The following MFAP5 variants were observed in gnomAD, a reference collection of about 807,000 sequenced individuals.
MFAP5 encodes the protein microfibril associated protein 5, also known as microfibrillar-associated protein 5.
In MFAP5, 19 loss-of-function variants were observed where a neutral mutation model predicts 30.1. That is an observed-to-expected ratio of 0.63 (90% CI 0.44 to 0.93). MFAP5 has a LOEUF of 0.93. Among genes scored for constraint, MFAP5 ranks in the 40% least tolerant of loss-of-function variants. MFAP5 has a pLI of 0.00. For missense variants in MFAP5, 210 were observed against 221.3 expected (o/e 0.95, Z 0.32); for synonymous variants, 92 against 72.9 (o/e 1.26, Z -1.33).
At chr12:8,649,887 C>G (rs1279482220) in intron 8 of MFAP5, among the ~76,000 whole-genome samples, 1 of 152,184 alleles carries the variant, frequency 6.6e-6, no homozygotes, top group Non-Finnish European at 1.5e-5. Flanking sequence ...GTCACCCAAG[C>G]AGTGTACACC....
At chr12:8,649,349 A>G (rs1941767785) in intron 9 of MFAP5, 152 bp downstream of exon 9, 2 of 651,824 alleles carry the variant, frequency 3.1e-6, no homozygotes, top group African/African-American at 3.6e-5. Flanking sequence ...TAGATTGTTT[A>G]TTTGAGATAA....
At chr12:8,658,901 C>T (rs999639790) in intron 3 of MFAP5, among the ~76,000 whole-genome samples, 2 of 151,706 alleles carry the variant, frequency 1.3e-5, no homozygotes, top group African/African-American at 4.8e-5. Flanking sequence ...GCCATCATAG[C>T]TCCTTTGCAG....
chr12:8,658,053 A>G (rs1208510838), intron 3 of MFAP5, among the ~76,000 whole-genome samples: 1 of 152,180 alleles, frequency 6.6e-6, no homozygotes, highest in Admixed American at 6.5e-5. Flanking sequence ...TCCAGATAGA[A>G]ATTCATCAGG....
chr12:8,652,893 A>G (rs1941875561), intron 6 of MFAP5, among the ~76,000 whole-genome samples: 1 of 152,224 alleles, frequency 6.6e-6, no homozygotes, highest in Non-Finnish European at 1.5e-5. Flanking sequence ...CCACATCTAG[A>G]AAACTGGATG....
intron 6 of MFAP5, among the ~76,000 whole-genome samples, chr12:8,653,691 C>T (rs760442219): frequency 8.5e-5 from 13 of 152,140 alleles, no homozygotes; most frequent in Admixed American, 2.0e-4. Context: ...GCTTCTCTTG[C>T]TTATCCTGAT....
At chr12:8,660,186 T>G (rs1357981780) in intron 3 of MFAP5, among the ~76,000 whole-genome samples, 4 of 150,498 alleles carry the variant, frequency 2.7e-5, no homozygotes. Flanking sequence ...ACTTCTTTTT[T>G]TCTAATTTTT....
In MFAP5 at chr12:8,649,459, C is replaced by T. The variant is rs945068341; in HGVS notation, c.409+42G>A. The T allele has an allele frequency of 3.8e-6, 6 of 1,574,590 alleles. No homozygotes were observed. The East Asian group carries it at 6.7e-5, about 18-fold the overall frequency. ...ATATCATGTCCCTATCTACCCTTCTCATAACTGCTTCTCTCCATTAAACAT... is the reference window on the plus strand; with the variant it reads ...ATATCATGTCCCTATCTACCCTTCTTATAACTGCTTCTCTCCATTAAACAT... On this transcript the variant is annotated intron_variant, in intron 9 of 9. Coordinates refer to ENST00000359478, the MANE Select transcript of MFAP5 (RefSeq NM_003480.4).
intron 3 of MFAP5, among the ~76,000 whole-genome samples, 153 bp downstream of exon 3, chr12:8,660,710 C>T (rs969192244): frequency 1.3e-5 from 2 of 151,194 alleles, no homozygotes; most frequent in African/African-American, 4.9e-5. Flanking sequence ...TCCTATTTCT[C>T]ACACTTTGGC....
chr12:8,656,747 C>T (rs1487455663), intron 3 of MFAP5, among the ~76,000 whole-genome samples: 3 of 150,516 alleles, frequency 2.0e-5, no homozygotes, highest in East Asian at 2.0e-4. Flanking sequence ...CGGCTCACTG[C>T]AACCTCCGCC....
At chr12:8,655,753 GCAAA>G (rs759566856) in intron 4 of MFAP5, 29 bp downstream of exon 4, 102 of 1,598,296 alleles carry the variant, frequency 6.4e-5, no homozygotes, top group South Asian at 2.1e-4. Context: ...CAATAAAACA[GCAAA>G]CAAACAAACA....
rs375533192 is a variant in MFAP5, at chr12:8,651,650, C to T, written c.247+12G>A. ...AAAAAGGCTTAAGAAGGCATGCAAG[C>T]AACAATCATACCTGCAGTGGTATTT... On this transcript the variant is annotated intron_variant, in intron 7 of 9. Transcript: ENST00000359478. 16 of 1,613,688 alleles carry T rather than the reference C, an allele frequency of 9.9e-6. No homozygotes were observed. The highest frequency in any genetic ancestry group is 1.4e-5 in the Non-Finnish European group (16 of 1,179,670).
rs146657877 is a variant in MFAP5 at position 8,662,115 on chromosome 12, G to A, written c.-2-9C>T. ...TCCCAAGAGCGACATATCTATAGGG[G>A]TGGTGGGCATAGCAGAGAATGTGAT... On this transcript the variant is annotated splice_polypyrimidine_tract_variant and intron_variant, in intron 1 of 9. Transcript: ENST00000359478. The A allele has an allele frequency of 1.9e-5, 31 of 1,612,780 alleles. No homozygotes were observed. In the East Asian group the frequency reaches 5.8e-4, roughly 30 times the overall value.
At chr12:8,657,566 CT>C (rs35916052) in intron 3 of MFAP5, among the ~76,000 whole-genome samples, 4,008 of 128,084 alleles carry the variant, frequency 0.031, 52 homozygotes, top group African/African-American at 0.087. Context: ...TTTGCTTTGA[CT>C]TTTTTTTTTT....
At chr12:8,657,333 C>T (rs1459551825) in intron 3 of MFAP5, among the ~76,000 whole-genome samples, 1 of 151,802 alleles carries the variant, frequency 6.6e-6, no homozygotes, top group African/African-American at 2.4e-5. Context: ...GCAGGAGAAT[C>T]GCTTGAACCC....
chr12:8,660,954 C>T (rs759559160), intron 2 of MFAP5, 56 bp from the exon 3 acceptor site: 3 of 1,434,704 alleles, frequency 2.1e-6, no homozygotes, highest in African/African-American at 2.8e-5. Flanking sequence ...TACCTCGTAA[C>T]CCTTTTATGA....
intron 3 of MFAP5, among the ~76,000 whole-genome samples, chr12:8,660,408 A>G (rs1354016793): frequency 6.6e-6 from 1 of 151,670 alleles, no homozygotes; most frequent in African/African-American, 2.4e-5. Context: ...TTTGGTCTCA[A>G]ACTCCTGGGC....
chr12:8,654,795 A>C (rs943978569), intron 5 of MFAP5, among the ~76,000 whole-genome samples: 1 of 151,768 alleles, frequency 6.6e-6, no homozygotes, highest in Non-Finnish European at 1.5e-5. Flanking sequence ...AAAATACGGA[A>C]ATTAGCATGG....
At chr12:8,648,536 C>T (rs1244636529) in intron 9 of MFAP5, 3 of 1,287,586 alleles carry the variant, frequency 2.3e-6, no homozygotes, top group African/African-American at 3.0e-5. Flanking sequence ...ATCCAGCTGC[C>T]AATTCTTCTA....
intron 9 of MFAP5, 68 bp downstream of exon 9, chr12:8,649,433 A>C: frequency 7.1e-7 from 1 of 1,407,524 alleles, no homozygotes; most frequent in Non-Finnish European, 1.0e-6. Flanking sequence ...TGGATATAGT[A>C]ATATCATGTC....
Sources: gnomAD v4.1 joint callset for allele counts (sites outside exome capture counted in the v4.1 genomes callset) on GRCh38, gnomAD v4.1.1 for gene constraint, MANE v1.5 for transcripts, NCBI Gene and HGNC (gene_info 2026-07-23, HGNC 2026-07-21) for gene names.